The following GAB1 variants were observed in gnomAD, a reference collection of about 807,000 sequenced individuals.
GAB1 encodes the protein GRB2 associated binding protein 1, also known as GRB2-associated-binding protein 1.
Under a neutral mutation model 66.5 loss-of-function variants are expected in GAB1, and 19 were observed. The observed-to-expected ratio is 0.29, with a 90% CI of 0.20 to 0.42. The LOEUF (loss-of-function observed/expected upper bound fraction) is 0.42, where lower values mean the gene tolerates loss of function less well. Ranked by LOEUF, GAB1 falls within the 10% of genes least tolerant of loss-of-function variation. The pLI is 1.00. For synonymous variants in GAB1, 294 were observed against 301.4 expected, an observed-to-expected ratio of 0.98 and a Z score of 0.25; for missense variants, 732 against 858.5, an observed-to-expected ratio of 0.85 and a Z score of 1.84.
At chr4:143,457,769 G>T (rs980482186) in intron 6 of GAB1, 4 of 1,525,548 alleles carry the variant, frequency 2.6e-6, no homozygotes, top group Non-Finnish European at 3.6e-6. Flanking sequence ...AAGAAGAAAG[G>T]GTATGTACTT....
intron 1 of GAB1, among the ~76,000 whole-genome samples, chr4:143,366,048 T>G (rs1049311165): frequency 2.0e-5 from 3 of 152,196 alleles, no homozygotes; most frequent in African/African-American, 4.8e-5. Flanking sequence ...GCCTGGCACA[T>G]GTAGGGCTTT....
chr4:143,464,774 CCA>C (rs1204096000), intron 8 of GAB1, among the ~76,000 whole-genome samples: 1 of 152,190 alleles, frequency 6.6e-6, no homozygotes, highest in African/African-American at 2.4e-5. Context: ...AGGTTCCATA[CCA>C]GCTATTAGCA....
chr4:143,367,704 G>A (rs1237710409), intron 1 of GAB1, among the ~76,000 whole-genome samples: 2 of 143,720 alleles, frequency 1.4e-5, no homozygotes, highest in East Asian at 4.1e-4. Flanking sequence ...AGATAGAAGT[G>A]CAAATCAGAT....
intron 6 of GAB1, among the ~76,000 whole-genome samples, chr4:143,445,303 A>G (rs771712150): frequency 7.2e-5 from 11 of 152,020 alleles, no homozygotes; most frequent in Non-Finnish European, 1.0e-4. Context: ...GTGTGAGATG[A>G]TATCTCATTG....
At chr4:143,467,191 C>T (rs1232523622) in intron 9 of GAB1, among the ~76,000 whole-genome samples, 1 of 152,178 alleles carries the variant, frequency 6.6e-6, no homozygotes, top group Non-Finnish European at 1.5e-5. Context: ...TTCTCTCAGC[C>T]CATGGAAGAT....
chr4:143,462,662 C>CT (rs936142853), intron 8 of GAB1, among the ~76,000 whole-genome samples: 23 of 145,200 alleles, frequency 1.6e-4, no homozygotes, highest in African/African-American at 2.8e-4. Context: ...TGGTGAATTT[C>CT]TTTTTTTTTT....
At chr4:143,386,068 G>C (rs1730890797) in intron 1 of GAB1, among the ~76,000 whole-genome samples, 1 of 152,168 alleles carries the variant, frequency 6.6e-6, no homozygotes, top group Admixed American at 6.5e-5. Flanking sequence ...GTTTAGCCCA[G>C]GAGGTCAAGA....
At chr4:143,442,714 C>T (rs771521426) in intron 6 of GAB1, among the ~76,000 whole-genome samples, 3 of 152,040 alleles carry the variant, frequency 2.0e-5, no homozygotes, top group Non-Finnish European at 4.4e-5. Flanking sequence ...AGAGACTAAT[C>T]ACACTAGTTC....
At chr4:143,337,402 G>A (rs545713738) in intron 1 of GAB1, 142 bp downstream of exon 1, 2 of 709,272 alleles carry the variant, frequency 2.8e-6, no homozygotes, top group Non-Finnish European at 4.9e-6. Context: ...CCCTACCCCT[G>A]GCGGGCTCGG....
At chr4:143,394,362 A>G (rs1418279621) in intron 1 of GAB1, among the ~76,000 whole-genome samples, 4 of 152,206 alleles carry the variant, frequency 2.6e-5, no homozygotes, top group Non-Finnish European at 5.9e-5. Flanking sequence ...AAGGAAGTCC[A>G]GTGTTGACAT....
intron 1 of GAB1, among the ~76,000 whole-genome samples, chr4:143,382,574 A>G (rs1730702192): frequency 6.6e-6 from 1 of 152,200 alleles, no homozygotes; most frequent in Admixed American, 6.5e-5. Context: ...ACTACCTTCA[A>G]AGTCCTGTTT....
At chr4:143,365,471 G>A (rs1436730464) in intron 1 of GAB1, among the ~76,000 whole-genome samples, 1 of 152,178 alleles carries the variant, frequency 6.6e-6, no homozygotes, top group Non-Finnish European at 1.5e-5. Flanking sequence ...ACACCAAGAT[G>A]TGCTTGCTTG....
At chr4:143,439,538 A>C (rs553640851) in intron 4 of GAB1, 7 of 386,184 alleles carry the variant, frequency 1.8e-5, no homozygotes, top group Non-Finnish European at 3.3e-5. Flanking sequence ...ATCTTTAGAT[A>C]ACCTATCTTA....
At chr4:143,444,214 A>G (rs1734388150) in intron 6 of GAB1, among the ~76,000 whole-genome samples, 1 of 152,096 alleles carries the variant, frequency 6.6e-6, no homozygotes, top group African/African-American at 2.4e-5. Context: ...TTAAATCGCT[A>G]AACTTATCTA....
At position 143,432,784 on chromosome 4, in the gene GAB1, A is replaced by T. The variant is rs551319549; in HGVS notation, c.368-707A>T. 3.9e-5 allele frequency among the ~76,000 whole-genome samples: 6 copies of T among 152,326 alleles called. No homozygotes were observed. In the South Asian group the frequency reaches 1.2e-3, roughly 32 times the overall value. On this transcript the variant is annotated intron_variant, in intron 2 of 9. Coordinates refer to ENST00000262994, the MANE Select transcript of GAB1 (RefSeq NM_002039.4). ...GTTTTCAAATTGCTTCATTCTGCAC[A>T]ATTTAGCTCTTTTCATATTTCTCTC...
At chr4:143,374,827 G>A (rs1295670200) in intron 1 of GAB1, among the ~76,000 whole-genome samples, 1 of 152,208 alleles carries the variant, frequency 6.6e-6, no homozygotes, top group African/African-American at 2.4e-5. Flanking sequence ...GAAGCAAGTT[G>A]TTCCCATTGT....
Position 143,433,484 on chromosome 4 carries a change from G to A in GAB1, c.368-7G>A. ...ATAGACGTGATAGTTAAACTTTGGT[G>A]TTGCAGATCCTGTGAAGCCACCTGG... On this transcript the variant is annotated splice_region_variant and splice_polypyrimidine_tract_variant and intron_variant, in intron 2 of 9. Coordinates refer to ENST00000262994, the MANE Select transcript of GAB1 (RefSeq NM_002039.4). 1 of 1,608,908 alleles carries A rather than the reference G, an allele frequency of 6.2e-7. No individual in the cohort carries two copies. The highest frequency in any genetic ancestry group is 8.5e-7 in the Non-Finnish European group (1 of 1,175,372).
At chr4:143,465,774 A>G (rs910297527) in intron 8 of GAB1, among the ~76,000 whole-genome samples, 19 of 152,332 alleles carry the variant, frequency 1.2e-4, no homozygotes, top group Admixed American at 9.1e-4. Flanking sequence ...ACTTGAAAGC[A>G]AGGAATATAA....
chr4:143,387,518 G>A (rs1730974015), intron 1 of GAB1, among the ~76,000 whole-genome samples: 1 of 152,240 alleles, frequency 6.6e-6, no homozygotes, highest in Admixed American at 6.5e-5. Context: ...TGAAGGCACA[G>A]AAGGCTGCTT....
Sources: allele counts gnomAD v4.1 joint callset (sites outside exome capture counted in the v4.1 genomes callset), GRCh38; gene constraint gnomAD v4.1.1; transcripts MANE v1.5; gene names NCBI Gene and HGNC (gene_info 2026-07-23, HGNC 2026-07-21).